Variants in DNAJB14 observed in about 807,000 individuals in gnomAD.
The protein encoded by DNAJB14 is DnaJ heat shock protein family (Hsp40) member B14.
In DNAJB14, 22 loss-of-function variants were observed where a neutral mutation model predicts 48.4. That is an observed-to-expected ratio of 0.45 (90% CI 0.32 to 0.65). The LOEUF is 0.65. Ranked by LOEUF, DNAJB14 falls within the 30% of genes least tolerant of loss-of-function variation. The probability of loss-of-function intolerance (pLI) is 0.03; values close to 1 mark genes in which losing one functional copy is unlikely to be tolerated. For missense variants in DNAJB14, 319 were observed against 458.8 expected, an observed-to-expected ratio of 0.70 and a Z score of 2.78; for synonymous variants, 142 against 158.7, an observed-to-expected ratio of 0.89 and a Z score of 0.79.
Position 99,925,059 on chromosome 4 carries a change from C to T in DNAJB14, c.306-1874G>A, listed in dbSNP as rs544683098. The T allele has an allele frequency of 1.3e-5, 6 of 453,588 alleles. No homozygotes were observed. In the South Asian group the frequency reaches 2.0e-4, roughly 15 times the overall value. The allele number at this position is 453,588 out of a possible 1,614,324, so 28.1% of individuals were successfully genotyped here. On this transcript the variant is annotated intron_variant, in intron 2 of 7. Transcript: ENST00000442697. ...ATACACTGTCATCCCTTGGTATCCA[C>T]AGGGGATTAGTTCCAGGATCCTCCC...
chr4:99,931,687 C>T (rs1726471987), intron 1 of DNAJB14, among the ~76,000 whole-genome samples: 1 of 151,622 alleles, frequency 6.6e-6, no homozygotes. Flanking sequence ...CCCACATTAT[C>T]GCTAGACCAT....
chr4:99,915,988 A>G (rs1337868736), intron 3 of DNAJB14, among the ~76,000 whole-genome samples: 1 of 151,782 alleles, frequency 6.6e-6, no homozygotes, highest in East Asian at 1.9e-4. Flanking sequence ...TTCTCTGGTA[A>G]TTTTTTTTAC....
At chr4:99,903,986 C>A in intron 6 of DNAJB14, 88 bp from the exon 7 acceptor site, 1 of 1,369,016 alleles carries the variant, frequency 7.3e-7, no homozygotes, top group Non-Finnish European at 1.0e-6. Flanking sequence ...AATTAAAAAT[C>A]ATTGAAAAGT....
At chr4:99,940,522 C>T (rs1488089693) in intron 1 of DNAJB14, among the ~76,000 whole-genome samples, 2 of 152,220 alleles carry the variant, frequency 1.3e-5, no homozygotes, top group East Asian at 1.9e-4. Context: ...ACCCAGGAGG[C>T]GGAGGTTGCG....
Position 99,901,613 on chromosome 4 carries a change from CA to C in DNAJB14, c.1016-462del, listed in dbSNP as rs563846563. Among the ~76,000 whole-genome samples the C allele has an allele frequency of 3.9e-4, 59 of 152,098 alleles. No homozygotes were observed. In the Middle Eastern group the frequency reaches 0.014, roughly 35 times the overall value. On this transcript the variant is annotated intron_variant, in intron 7 of 7. Transcript: ENST00000442697. ...CTGAGTTTACTTAAATTAAAAAATA[CA>C]TATAATAATATTACTGAAGGAACAC...
At position 99,931,092 on chromosome 4, in the gene DNAJB14, C is replaced by A. The variant is rs533368154; in HGVS notation, c.134-471G>T. ...ATGCACTAATTTCCCAGAAAGTGCA[C>A]AAGATAAAAACATTTTCCAACAAAT... On this transcript the variant is annotated intron_variant, in intron 1 of 7. Transcript: ENST00000442697. Among the ~76,000 whole-genome samples the A allele has an allele frequency of 3.7e-4, 57 of 152,012 alleles. 1 individual carries two copies. Among genetic ancestry groups the A allele is most frequent in the African/African-American group, 1.3e-3 (54 of 41,458 alleles).
intron 7 of DNAJB14, among the ~76,000 whole-genome samples, chr4:99,901,937 C>T (rs1725307733): frequency 6.6e-6 from 1 of 152,130 alleles, no homozygotes; most frequent in Non-Finnish European, 1.5e-5. Context: ...TAGTCAAGAT[C>T]ACATTCAAGA....
At chr4:99,939,126 T>C (rs1726797258) in intron 1 of DNAJB14, among the ~76,000 whole-genome samples, 1 of 151,954 alleles carries the variant, frequency 6.6e-6, no homozygotes, top group South Asian at 2.1e-4. Context: ...CTTTGGGAGG[T>C]TGAGGTGGGT....
intron 3 of DNAJB14, among the ~76,000 whole-genome samples, chr4:99,910,993 T>C (rs1725640550): frequency 6.6e-6 from 1 of 152,052 alleles, no homozygotes; most frequent in South Asian, 2.1e-4. Flanking sequence ...AACACCACTC[T>C]CATGTTGCTC....
At chr4:99,924,465 A>C (rs553096130) in intron 2 of DNAJB14, 40 of 254,918 alleles carry the variant, frequency 1.6e-4, no homozygotes, top group African/African-American at 8.4e-4. Context: ...GTAAAAAGGG[A>C]AAGTAATATA....
intron 3 of DNAJB14, among the ~76,000 whole-genome samples, chr4:99,911,096 AATATT>A (rs768423282): frequency 9.9e-5 from 15 of 152,194 alleles, no homozygotes; most frequent in East Asian, 1.9e-4. Context: ...TCATTTCAAG[AATATT>A]ATATTAATGA....
At chr4:99,941,609 G>A (rs535745333) in intron 1 of DNAJB14, among the ~76,000 whole-genome samples, 10 of 152,136 alleles carry the variant, frequency 6.6e-5, no homozygotes, top group Non-Finnish European at 1.3e-4. Flanking sequence ...CCCCTAGAAG[G>A]TAAGCTCCAT....
At chr4:99,913,188 T>C (rs1578218306) in intron 3 of DNAJB14, among the ~76,000 whole-genome samples, 1 of 152,178 alleles carries the variant, frequency 6.6e-6, no homozygotes, top group African/African-American at 2.4e-5. Flanking sequence ...TTTTCTCTCT[T>C]TAACGCAGTG....
intron 1 of DNAJB14, among the ~76,000 whole-genome samples, chr4:99,932,139 A>G (rs1726498002): frequency 6.6e-6 from 1 of 152,116 alleles, no homozygotes; most frequent in African/African-American, 2.4e-5. Context: ...TACAGAAACA[A>G]AAGTAAATGT....
At chr4:99,908,419 C>A (rs1725541380) in intron 4 of DNAJB14, among the ~76,000 whole-genome samples, 1 of 152,056 alleles carries the variant, frequency 6.6e-6, no homozygotes. Flanking sequence ...ATAGTACTTA[C>A]CTAAGACATT....
At chr4:99,931,843 CAAAAT>C (rs1011909712) in intron 1 of DNAJB14, among the ~76,000 whole-genome samples, 8 of 150,734 alleles carry the variant, frequency 5.3e-5, no homozygotes, top group African/African-American at 1.9e-4. Flanking sequence ...AAAGAAAAAA[CAAAAT>C]AAAAAAATCT....
chr4:99,937,125 G>A (rs2110221619), intron 1 of DNAJB14, among the ~76,000 whole-genome samples: 1 of 152,114 alleles, frequency 6.6e-6, no homozygotes. Flanking sequence ...GACTATCCTG[G>A]CTAACACAGT....
rs1578207267 is a variant in DNAJB14, at chr4:99,896,287, A to T, written c.*4741T>A. On this transcript the variant is annotated 3_prime_UTR_variant, in exon 8 of 8. Transcript: ENST00000442697. The stretch of plus-strand genomic sequence containing the variant: ...CAGACCTTTTTATTAATATATTGAG[A>T]TAAACTACAGAGACTGAAAGACAAA... The T allele has an allele frequency of 3.3e-5, 5 of 152,330 alleles. No individual in the cohort carries two copies. The South Asian group carries it at 1.0e-3, about 32-fold the overall frequency. 9.4% of individuals were successfully genotyped at this position (152,330 alleles called of 1,614,324 possible).
intron 3 of DNAJB14, among the ~76,000 whole-genome samples, chr4:99,914,326 G>C (rs1420927143): frequency 6.6e-6 from 1 of 152,168 alleles, no homozygotes; most frequent in African/African-American, 2.4e-5. Flanking sequence ...TAAAAATGAT[G>C]AGTTCATGTC....
Sources: gnomAD v4.1 joint callset for allele counts (sites outside exome capture counted in the v4.1 genomes callset) on GRCh38, gnomAD v4.1.1 for gene constraint, MANE v1.5 for transcripts, NCBI Gene and HGNC (gene_info 2026-07-23, HGNC 2026-07-21) for gene names.